CDKAL1: variants seen among roughly 807,000 people sequenced by gnomAD.
The protein encoded by CDKAL1 is CDKAL1 threonylcarbamoyladenosine tRNA methylthiotransferase.
CDKAL1 carries 32 observed loss-of-function variants against 68.2 expected under a neutral mutation model. That is an observed-to-expected ratio of 0.47 (90% confidence interval 0.35 to 0.63). CDKAL1 has a LOEUF of 0.63. Ranked by LOEUF, CDKAL1 falls within the 30% of genes least tolerant of loss-of-function variation. The pLI, the probability that CDKAL1 is intolerant of heterozygous loss-of-function variation, is 0.00. For missense variants in CDKAL1, 606 were observed against 696.7 expected, an observed-to-expected ratio of 0.87 and a Z score of 1.47; for synonymous variants, 234 against 244.3, an observed-to-expected ratio of 0.96 and a Z score of 0.39.
At chr6:21,069,787 T>TC (rs1771663208) in intron 12 of CDKAL1, among the ~76,000 whole-genome samples, 1 of 69,740 alleles carries the variant, frequency 1.4e-5, no homozygotes, top group African/African-American at 6.0e-5. Context: ...TTTTTTTTTT[T>TC]TTTTTTTTTT....
At chr6:20,640,243 A>G (rs1053796645) in intron 4 of CDKAL1, among the ~76,000 whole-genome samples, 1 of 152,172 alleles carries the variant, frequency 6.6e-6, no homozygotes, top group Non-Finnish European at 1.5e-5. Context: ...TTCTTACTGA[A>G]TTTTTATTTG....
chr6:20,805,077 C>G (rs368193365), intron 8 of CDKAL1, among the ~76,000 whole-genome samples: 3 of 152,122 alleles, frequency 2.0e-5, no homozygotes, highest in Admixed American at 1.3e-4. Flanking sequence ...CTCTAATGAC[C>G]TGCTCTAGGT....
chr6:20,564,488 TA>T (rs1376807648), intron 4 of CDKAL1, among the ~76,000 whole-genome samples: 1 of 152,254 alleles, frequency 6.6e-6, no homozygotes, highest in Non-Finnish European at 1.5e-5. Context: ...TTTTTACATT[TA>T]ATTTTCTGTT....
intron 5 of CDKAL1, among the ~76,000 whole-genome samples, chr6:20,656,504 C>T (rs1199243855): frequency 2.0e-5 from 3 of 151,544 alleles, no homozygotes; most frequent in Admixed American, 1.3e-4. Flanking sequence ...AATGAGAAGC[C>T]TGTGATTGTC....
chr6:20,841,811 T>A (rs1241885218), intron 8 of CDKAL1, among the ~76,000 whole-genome samples: 1 of 152,244 alleles, frequency 6.6e-6, no homozygotes, highest in Non-Finnish European at 1.5e-5. Flanking sequence ...ATTAAATACT[T>A]AAGCTCTCTC....
At chr6:20,965,339 G>A (rs1765253488) in intron 10 of CDKAL1, among the ~76,000 whole-genome samples, 1 of 146,638 alleles carries the variant, frequency 6.8e-6, no homozygotes, top group African/African-American at 2.5e-5. Flanking sequence ...GGGGAGGGGA[G>A]GGGAGGGAAG....
In CDKAL1 at chr6:21,191,992, C is replaced by CTTT. The variant is rs145894251; in HGVS notation, c.1300-5991_1300-5989dup. Among the ~76,000 whole-genome samples the CTTT allele has an allele frequency of 8.7e-4, 30 of 34,528 alleles. 7 individuals are homozygous for CTTT. Among genetic ancestry groups the CTTT allele is most frequent in the Middle Eastern group, 0.053 (2 of 38 alleles). The allele number at this position is 34,528 out of a possible 152,430, so 22.7% of individuals were successfully genotyped here. On this transcript the variant is annotated intron_variant, in intron 13 of 15. Coordinates refer to ENST00000274695, the MANE Select transcript of CDKAL1 (RefSeq NM_017774.3). The stretch of plus-strand genomic sequence containing the variant: ...AGGAATATTTTTATAATTCATTTTT[C>CTTT]TTTTTTTTTTTTTTTTTTTTTTTTT...
intron 9 of CDKAL1, among the ~76,000 whole-genome samples, chr6:20,881,420 T>G (rs1201882258): frequency 6.6e-6 from 1 of 152,246 alleles, no homozygotes; most frequent in Non-Finnish European, 1.5e-5. Context: ...CTTTCATTTT[T>G]CATTCTGAAT....
intron 2 of CDKAL1, among the ~76,000 whole-genome samples, chr6:20,544,965 T>TTGTGTGTG (rs70990042): frequency 4.0e-5 from 6 of 149,368 alleles, no homozygotes; most frequent in African/African-American, 1.2e-4. Flanking sequence ...GATTACAGTT[T>TTGTGTGTG]TGTGTGTGTG....
intron 4 of CDKAL1, among the ~76,000 whole-genome samples, chr6:20,578,888 A>G (rs1765023402): frequency 6.6e-6 from 1 of 152,222 alleles, no homozygotes; most frequent in Non-Finnish European, 1.5e-5. Context: ...AAATCATGAA[A>G]CAGGAGGAAA....
chr6:21,133,432 G>A (rs1775429320), intron 13 of CDKAL1, among the ~76,000 whole-genome samples: 1 of 152,174 alleles, frequency 6.6e-6, no homozygotes, highest in Non-Finnish European at 1.5e-5. Flanking sequence ...CCAAGCCTGA[G>A]CTATGATTTT....
intron 6 of CDKAL1, among the ~76,000 whole-genome samples, chr6:20,745,425 G>A (rs1461433636): frequency 1.3e-5 from 2 of 152,120 alleles, no homozygotes; most frequent in Non-Finnish European, 1.5e-5. Flanking sequence ...CCCCTACTTC[G>A]AACATTTCTT....
intron 4 of CDKAL1, among the ~76,000 whole-genome samples, chr6:20,619,214 G>T (rs2127731037): frequency 6.6e-6 from 1 of 152,242 alleles, no homozygotes; most frequent in Middle Eastern, 3.4e-3. Flanking sequence ...TTAAAACATG[G>T]TTCAGACTCT....
chr6:20,621,842 A>T (rs930051280), intron 4 of CDKAL1, among the ~76,000 whole-genome samples: 2 of 149,346 alleles, frequency 1.3e-5, no homozygotes, highest in African/African-American at 5.0e-5. Context: ...TTCCTGCCCC[A>T]GTCTTAAAAT....
At chr6:20,741,181 T>C (rs1054899301) in intron 6 of CDKAL1, among the ~76,000 whole-genome samples, 4 of 152,018 alleles carry the variant, frequency 2.6e-5, no homozygotes, top group Non-Finnish European at 5.9e-5. Flanking sequence ...TTAGTGCTAT[T>C]AATATGAGTT....
chr6:21,049,817 C>CTT (rs58277582), intron 11 of CDKAL1, among the ~76,000 whole-genome samples: 1 of 137,138 alleles, frequency 7.3e-6, no homozygotes. Context: ...GTCTCTCATC[C>CTT]TTTTTTTTTT....
In CDKAL1 at chr6:20,546,520, A is replaced by G. The variant is rs774821440; in HGVS notation, c.170A>G (p.Asp57Gly). ...LQEEENSPPS[D>G]STIPGIQKIW... ...GAGGAAGAAAACAGTCCACCAAGTGACAGGTAAGCTTTTTTCCTTGAAATT... is the reference window on the plus strand; with the variant it reads ...GAGGAAGAAAACAGTCCACCAAGTGGCAGGTAAGCTTTTTTCCTTGAAATT... Residue 57 changes from aspartate to glycine, a missense_variant, in exon 3 of 16, where the codon GAC becomes GGC. Transcript: ENST00000274695. 6.2e-7 allele frequency: 1 copy of G among 1,612,252 alleles called. No homozygotes were observed.
At chr6:21,062,056 G>A (rs1771164656) in intron 11 of CDKAL1, among the ~76,000 whole-genome samples, 1 of 152,108 alleles carries the variant, frequency 6.6e-6, no homozygotes. Context: ...TTGTCACTAT[G>A]ACCCTTAAGG....
At chr6:20,819,762 A>G (rs1372452005) in intron 8 of CDKAL1, among the ~76,000 whole-genome samples, 7 of 152,164 alleles carry the variant, frequency 4.6e-5, no homozygotes, top group Non-Finnish European at 1.0e-4. Flanking sequence ...ATTTTACTTT[A>G]CAAATGGATT....
Sources: gnomAD v4.1 joint callset for allele counts (sites outside exome capture counted in the v4.1 genomes callset) on GRCh38, gnomAD v4.1.1 for gene constraint, MANE v1.5 for transcripts, NCBI Gene and HGNC (gene_info 2026-07-23, HGNC 2026-07-21) for gene names.